The following OTOP2 variants were observed in gnomAD, a reference collection of about 807,000 sequenced individuals.
OTOP2 encodes the protein otopetrin 2, also known as proton channel OTOP2.
Under a neutral mutation model 47.4 loss-of-function variants are expected in OTOP2, and 41 were observed. The observed-to-expected ratio is 0.87, with a 90% CI of 0.67 to 1.12. OTOP2 has a LOEUF of 1.12. Among genes scored for constraint, OTOP2 ranks in the 50% most tolerant of loss-of-function variants. OTOP2 has a pLI of 0.00. For synonymous variants in OTOP2, 328 were observed against 319.6 expected, an observed-to-expected ratio of 1.03 and a Z score of -0.28; for missense variants, 721 against 752.2, an observed-to-expected ratio of 0.96 and a Z score of 0.49.
In OTOP2 at chr17:74,930,573, A is replaced by G. The variant is rs2039046728; in HGVS notation, c.938A>G (p.Gln313Arg). The change falls in exon 6 of 7, where the codon CAA becomes CGA. Residue 313 changes from glutamine (Q) to arginine (R), a missense_variant. Transcript: ENST00000331427. The surrounding 1 kb of genome is among the most constrained non-coding windows in gnomAD (Gnocchi z 4.0). ...GCTGTCTTCATCATCTACGAGGTTC[A>G]AGTGAGCGGGGACGGGAGCCGCACC... ...GLAVFIIYEV[Q>R]VSGDGSRTRQ... 6.2e-7 allele frequency: 1 copy of G among 1,613,910 alleles called. No homozygotes were observed. The highest frequency in any genetic ancestry group is 1.1e-5 in the South Asian group (1 of 91,070).
Position 74,931,075 on chromosome 17 carries a change from C to A in OTOP2, c.1440C>A (p.Ile480=). ...CAGACCAGCGGGAAGCAGTGGCCAT[C>A]GTCTCAACCCCCAGAAGCCAGTGGA... The part of the protein sequence containing the change: ...SPSDQREAVA[I]VSTPRSQWRR... The change falls in exon 6 of 7, where the codon ATC becomes ATA. Residue 480 remains isoleucine, a synonymous_variant. Transcript: ENST00000331427. 2 of 1,614,096 alleles carry A rather than the reference C, an allele frequency of 1.2e-6. No homozygotes were observed. Among genetic ancestry groups the A allele is most frequent in the Non-Finnish European group, 1.7e-6 (2 of 1,180,006 alleles).
rs771594938 is a variant in OTOP2, at chr17:74,925,692, G to C, written c.450G>C (p.Gln150His). 2.0e-5 allele frequency: 32 copies of C among 1,614,022 alleles called. No homozygotes were observed. Among genetic ancestry groups the C allele is most frequent in the Non-Finnish European group, 2.6e-5 (31 of 1,180,012 alleles). The change falls in exon 3 of 7, where the codon CAG becomes CAC. Residue 150 changes from glutamine (Q) to histidine (H), a missense_variant and splice_region_variant. By Grantham distance (24) the Gln-to-His change is conservative. Transcript: ENST00000331427. ...PLIQAVFVIIQTYFLWVSAKD... is the reference protein window; with the variant it reads ...PLIQAVFVIIHTYFLWVSAKD... ...TCCAGGCTGTGTTTGTCATCATCCA[G>C]GTGGGTGGAGGAGTGTCGCTGTGTG...
chr17:74,925,415 T>A, intron 2 of OTOP2, 141 bp from the exon 3 acceptor site: 73 of 889,390 alleles, frequency 8.2e-5, no homozygotes, highest in Non-Finnish European at 1.1e-4. Flanking sequence ...ACCCTCCCCA[T>A]TGATCCATCC....
At chr17:74,927,553 G>A in intron 4 of OTOP2, 112 bp from the exon 5 acceptor site, 3 of 1,453,196 alleles carry the variant, frequency 2.1e-6, no homozygotes, top group South Asian at 1.3e-5. Flanking sequence ...CAGCTTCCCT[G>A]TTCACACAGG....
intron 5 of OTOP2, 126 bp downstream of exon 5, chr17:74,927,924 C>T: frequency 7.8e-7 from 1 of 1,280,022 alleles, no homozygotes; most frequent in Non-Finnish European, 1.1e-6. Flanking sequence ...CCAGGGTCCT[C>T]CTCCTGTTGC....
In OTOP2 at chr17:74,930,940, C is replaced by G. The variant is rs140296900; in HGVS notation, c.1305C>G (p.His435Gln). ...GAGGACCGCCCGGGGCTGAGCCTCA[C>G]AGTACCCACCCCAAGGAGCCCTGCC... Reference protein sequence around the residue: ...LHRGPPGAEPHSTHPKEPCQD... With the variant: ...LHRGPPGAEPQSTHPKEPCQD... Residue 435 changes from histidine to glutamine, a missense_variant, in exon 6 of 7, where the codon CAC becomes CAG. Transcript: ENST00000331427. The surrounding 1 kb of genome is among the most constrained non-coding windows in gnomAD (Gnocchi z 4.0). 61 of 1,614,120 alleles carry G rather than the reference C, an allele frequency of 3.8e-5. No individual in the cohort carries two copies. The East Asian group carries it at 3.8e-4, about 10-fold the overall frequency.
At position 74,927,559 on chromosome 17, in the gene OTOP2, A is replaced by C. The variant is rs2039019748; in HGVS notation, c.510-106A>C. 4 of 1,471,548 alleles carry C rather than the reference A, an allele frequency of 2.7e-6. No homozygotes were observed. In the East Asian group the frequency reaches 9.1e-5, roughly 34 times the overall value. 91.2% of individuals were successfully genotyped at this position (1,471,548 alleles called of 1,614,324 possible). On this transcript the variant is annotated intron_variant, in intron 4 of 6. Coordinates refer to ENST00000331427, the MANE Select transcript of OTOP2 (RefSeq NM_178160.3). ...TACCAAAATCAGCTTCCCTGTTCAC[A>C]CAGGGCCTGGCTGCTTTATCATTTC...
Position 74,927,672 on chromosome 17 carries a change from C to T in OTOP2, c.517C>T (p.Leu173Phe). 1 of 1,613,648 alleles carries T rather than the reference C, an allele frequency of 6.2e-7. No homozygotes were observed. The highest frequency in any genetic ancestry group is 8.5e-7 in the Non-Finnish European group (1 of 1,179,716). The change falls in exon 5 of 7, where the codon CTC (leucine) becomes TTC (phenylalanine). Residue 173 changes from leucine to phenylalanine, a missense_variant. Physicochemically the swap from Leu to Phe is conservative, Grantham distance 22. Transcript: ENST00000331427. ...HVHLDLTWCG[L>F]MFTLTTNLAI... ...ACCCCTGACCCCAAACAGGTGTGGTCTCATGTTCACACTCACCACCAACCT... is the reference window on the plus strand; with the variant it reads ...ACCCCTGACCCCAAACAGGTGTGGTTTCATGTTCACACTCACCACCAACCT...
chr17:74,931,147 T>A lies in OTOP2; in HGVS notation c.1512T>A (p.Asn504Lys). 6.3e-7 allele frequency: 1 copy of A among 1,586,706 alleles called. No individual in the cohort carries two copies. Among genetic ancestry groups the A allele is most frequent in the East Asian group, 2.2e-5 (1 of 44,526 alleles). Reference sequence around the variant, plus strand: ...TTTCTCTGTTTCTCCTACTCTGCAATGTCATTGTGAGTAGCTGGGGGGAGA... The same window carrying A: ...TTTCTCTGTTTCTCCTACTCTGCAAAGTCATTGTGAGTAGCTGGGGGGAGA... The part of the protein sequence containing the change: ...KDISLFLLLC[N>K]VILWIMPAFG... Residue 504 changes from asparagine to lysine, a missense_variant, in exon 6 of 7, where the codon AAT becomes AAA. By Grantham distance (94) the Asn-to-Lys change is moderately conservative (BLOSUM62 0). Transcript: ENST00000331427.
At chr17:74,928,069 G>T in intron 5 of OTOP2, 1 of 436,866 alleles carries the variant, frequency 2.3e-6, no homozygotes, top group Non-Finnish European at 4.1e-6. Flanking sequence ...AGGACCAGGT[G>T]CAGTGGCTCA....
chr17:74,931,125 C>G lies in OTOP2; in HGVS notation c.1490C>G (p.Ser497Cys). 2.5e-6 allele frequency: 4 copies of G among 1,606,536 alleles called. No individual in the cohort carries two copies. Among genetic ancestry groups the G allele is most frequent in the Non-Finnish European group, 2.6e-6 (3 of 1,175,512 alleles). ...AGACGCCAGTGCCTAAAAGACATTT[C>G]TCTGTTTCTCCTACTCTGCAATGTC... Reference protein sequence around the residue: ...QWRRQCLKDISLFLLLCNVIL... With the variant: ...QWRRQCLKDICLFLLLCNVIL... Residue 497 changes from serine (S) to cysteine (C), a missense_variant, in exon 6 of 7, where the codon TCT (serine) becomes TGT (cysteine). Physicochemically the swap from Ser to Cys is moderately radical, Grantham distance 112. Coordinates refer to ENST00000331427, the MANE Select transcript of OTOP2 (RefSeq NM_178160.3).
At chr17:74,928,351 T>TA (rs113874583) in intron 5 of OTOP2, among the ~76,000 whole-genome samples, 4,569 of 149,550 alleles carry the variant, frequency 0.031, 215 homozygotes, top group African/African-American at 0.1. Flanking sequence ...TTTCAAAAAT[T>TA]AAAAAAAAAG....
In OTOP2 at chr17:74,933,588, C is replaced by T; in HGVS notation, c.*43C>T. 6.5e-7 allele frequency: 1 copy of T among 1,534,458 alleles called. No homozygotes were observed. The highest frequency in any genetic ancestry group is 8.9e-7 in the Non-Finnish European group (1 of 1,127,374). ...TGGGGGGCAGGAAGAGGGGGCTCAG[C>T]TCATGTGCCCACTCAGACACCCTCT... is the stretch of plus-strand genomic sequence containing the variant. On this transcript the variant is annotated 3_prime_UTR_variant, in exon 7 of 7. Transcript: ENST00000331427. This position sits in a 1 kb window ranked among gnomAD's most constrained non-coding sequence, Gnocchi z 4.7.
Position 74,930,821 on chromosome 17 carries a change from C to A in OTOP2, c.1186C>A (p.Gln396Lys). 6.2e-7 allele frequency: 1 copy of A among 1,614,150 alleles called. No individual in the cohort carries two copies. Among genetic ancestry groups the A allele is most frequent in the Non-Finnish European group, 8.5e-7 (1 of 1,180,008 alleles). The change falls in exon 6 of 7, where the codon CAG becomes AAG. Residue 396 changes from glutamine (Q) to lysine (K), a missense_variant. Gln to Lys is a moderately conservative substitution (Grantham distance 53). Transcript: ENST00000331427. This position sits in a 1 kb window ranked among gnomAD's most constrained non-coding sequence, Gnocchi z 4.0. ...SIVAVVAGTP[Q>K]DLLAGLNLTH... The stretch of plus-strand genomic sequence containing the variant: ...CGTGGCTGTGGTGGCGGGCACACCC[C>A]AGGACCTGCTGGCAGGGCTCAACCT...
At position 74,933,715 on chromosome 17, in the gene OTOP2, C is replaced by G; in HGVS notation, c.*170C>G. ...TTTTCCAGGTTCAATTTTTAAATCACAGTCAGGACAGGCCCATCCACCCCA... is the reference window on the plus strand; with the variant it reads ...TTTTCCAGGTTCAATTTTTAAATCAGAGTCAGGACAGGCCCATCCACCCCA... On this transcript the variant is annotated 3_prime_UTR_variant, in exon 7 of 7. Coordinates refer to ENST00000331427, the MANE Select transcript of OTOP2 (RefSeq NM_178160.3). The surrounding 1 kb of genome is among the most constrained non-coding windows in gnomAD (Gnocchi z 4.7). The G allele has an allele frequency of 1.3e-6, 1 of 798,312 alleles. No homozygotes were observed. Among genetic ancestry groups the G allele is most frequent in the Non-Finnish European group, 1.9e-6 (1 of 528,868 alleles). The allele number at this position is 798,312 out of a possible 1,614,324, so 49.5% of individuals were successfully genotyped here.
At position 74,927,695 on chromosome 17, in the gene OTOP2, C is replaced by CCTGG. The variant is rs778379275; in HGVS notation, c.542_545dup (p.Ile183GlyfsTer10). 9 of 1,614,052 alleles carry CCTGG rather than the reference C, an allele frequency of 5.6e-6. No homozygotes were observed. The East Asian group carries it at 2.0e-4, about 36-fold the overall frequency. ...GTCTCATGTTCACACTCACCACCAA[C>CCTGG]CTGGCCATCTGGATGGCGGCCGTGG... On this transcript the variant is annotated frameshift_variant, in exon 5 of 7. Coordinates refer to ENST00000331427, the MANE Select transcript of OTOP2 (RefSeq NM_178160.3). LOFTEE classifies it high-confidence loss of function.
In OTOP2 at chr17:74,933,693, TC is replaced by T; in HGVS notation, c.*150del. The T allele has an allele frequency of 2.0e-6, 2 of 999,906 alleles. No individual in the cohort carries two copies. Among genetic ancestry groups the T allele is most frequent in the Non-Finnish European group, 2.8e-6 (2 of 715,526 alleles). The allele number at this position is 999,906 out of a possible 1,614,324, so 61.9% of individuals were successfully genotyped here. A position where few individuals can be genotyped will look rare whatever the true frequency, so the allele number is the denominator to read the frequency against. ...GTGGAATTTTCACAAAAGTTATTTTTCCAGGTTCAATTTTTAAATCACAGTC... is the reference window on the plus strand; with the variant it reads ...GTGGAATTTTCACAAAAGTTATTTTTCAGGTTCAATTTTTAAATCACAGTC... On this transcript the variant is annotated 3_prime_UTR_variant, in exon 7 of 7. Transcript: ENST00000331427. This position sits in a 1 kb window ranked among gnomAD's most constrained non-coding sequence, Gnocchi z 4.7.
chr17:74,927,592 C>G, intron 4 of OTOP2, 73 bp from the exon 5 acceptor site: 1 of 1,543,826 alleles, frequency 6.5e-7, no homozygotes, highest in Non-Finnish European at 8.8e-7. Context: ...TTCTCAACAC[C>G]AGCTCTCAGT....
chr17:74,933,277 G>T lies in OTOP2; in HGVS notation c.1519-98G>T. 1 of 1,430,236 alleles carries T rather than the reference G, an allele frequency of 7.0e-7. No individual in the cohort carries two copies. 88.6% of individuals were successfully genotyped at this position (1,430,236 alleles called of 1,614,324 possible). ...CCCTCCGTGTCCACCAAGCTAGAAG[G>T]ATGGGCCGCCATCTAGCCACGGCCC... On this transcript the variant is annotated intron_variant, in intron 6 of 6. Coordinates refer to ENST00000331427, the MANE Select transcript of OTOP2 (RefSeq NM_178160.3). This position sits in a 1 kb window ranked among gnomAD's most constrained non-coding sequence, Gnocchi z 4.7.
Sources: gnomAD v4.1 joint callset for allele counts (sites outside exome capture counted in the v4.1 genomes callset) on GRCh38, gnomAD v4.1.1 for gene constraint, Gnocchi (gnomAD v3.1) non-coding constraint, MANE v1.5 for transcripts, NCBI Gene and HGNC (gene_info 2026-07-23, HGNC 2026-07-21) for gene names.